Variants in ESR1 observed in about 807,000 individuals in gnomAD.
The protein encoded by ESR1 is estrogen receptor.
ESR1 carries 12 observed loss-of-function variants against 52.7 expected under a neutral mutation model. The observed-to-expected ratio is 0.23, with a 90% CI of 0.15 to 0.37. The LOEUF (loss-of-function observed/expected upper bound fraction) is 0.37. Among genes scored for constraint, ESR1 ranks in the 10% least tolerant of loss-of-function variants. ESR1 has a pLI of 1.00. For synonymous variants in ESR1, 305 were observed against 316.8 expected (o/e 0.96, Z 0.39); for missense variants, 584 against 779.7 (o/e 0.75, Z 2.99).
At chr6:151,880,952 GA>G (rs1212878832) in intron 3 of ESR1, among the ~76,000 whole-genome samples, 181 bp downstream of exon 3, 3 of 152,112 alleles carry the variant, frequency 2.0e-5, no homozygotes, top group Non-Finnish European at 4.4e-5. Flanking sequence ...TAAAAAGGTG[GA>G]AGTGTCTGGA....
In ESR1 at chr6:152,094,481, T is replaced by C. The variant is rs2152496250; in HGVS notation, c.1466T>C (p.Leu489Pro). The C allele has an allele frequency of 6.2e-7, 1 of 1,614,014 alleles. No homozygotes were observed. The highest frequency in any genetic ancestry group is 8.5e-7 in the Non-Finnish European group (1 of 1,179,986). ...LDKITDTLIH[L>P]MAKAGLTLQQ... ...AAGATCACAGACACTTTGATCCACC[T>C]GATGGCCAAGGCAGGCCTGACCCTG... is the stretch of plus-strand genomic sequence containing the variant. Residue 489 changes from leucine (L) to proline (P), a missense_variant, in exon 7 of 8, where the codon CTG becomes CCG. Transcript: ENST00000206249. This position sits in a 1 kb window ranked among gnomAD's most constrained non-coding sequence, Gnocchi z 4.6.
intron 4 of ESR1, among the ~76,000 whole-genome samples, chr6:151,996,586 G>T (rs1403143858): frequency 6.6e-6 from 1 of 152,054 alleles, no homozygotes; most frequent in Non-Finnish European, 1.5e-5. Context: ...AAGACTTGCA[G>T]TGCCTTATTT....
At chr6:151,810,831 C>A (rs1778710364) in intron 1 of ESR1, among the ~76,000 whole-genome samples, 2 of 152,066 alleles carry the variant, frequency 1.3e-5, no homozygotes, top group African/African-American at 4.8e-5. Context: ...AAGCTAATGG[C>A]CTAAAATATT....
intron 3 of ESR1, 68 bp downstream of exon 3, chr6:151,880,839 T>C (rs1261090945): frequency 1.2e-6 from 1 of 814,234 alleles, no homozygotes. Context: ...GCTCTACCCA[T>C]TGGAATAACA....
At chr6:151,688,294 G>A (rs1479285334), upstream of ESR1, among the ~76,000 whole-genome samples, 1 of 152,196 alleles carries the variant, frequency 6.6e-6, no homozygotes, top group Non-Finnish European at 1.5e-5. Flanking sequence ...CAAAGCACGT[G>A]TGTTCCCATA....
chr6:152,090,218 C>T (rs757108892), intron 6 of ESR1, among the ~76,000 whole-genome samples: 9 of 152,194 alleles, frequency 5.9e-5, no homozygotes, highest in Non-Finnish European at 1.0e-4. Flanking sequence ...TGTGACTCAT[C>T]CCTAGTACCT....
At chr6:151,863,352 T>A (rs528984872) in intron 2 of ESR1, among the ~76,000 whole-genome samples, 1 of 152,302 alleles carries the variant, frequency 6.6e-6, no homozygotes, top group African/African-American at 2.4e-5. Flanking sequence ...CTTGAAGAGG[T>A]CCTTCACATC....
At chr6:151,726,658 T>C (rs551597094) in intron 2 of ESR1, among the ~76,000 whole-genome samples, 3 of 152,318 alleles carry the variant, frequency 2.0e-5, no homozygotes, top group Non-Finnish European at 4.4e-5. Context: ...AAAATTTCAG[T>C]TTCTAACTGT....
At chr6:151,814,604 G>T (rs757427128) in intron 1 of ESR1, among the ~76,000 whole-genome samples, 3 of 152,160 alleles carry the variant, frequency 2.0e-5, no homozygotes, top group Non-Finnish European at 4.4e-5. Context: ...GTATTAACTA[G>T]ATTAAAAGTT....
downstream of ESR1, among the ~76,000 whole-genome samples, chr6:152,103,798 C>T (rs532039081): frequency 2.4e-4 from 36 of 152,194 alleles, no homozygotes; most frequent in Middle Eastern, 6.8e-3. Context: ...TTGGTCCACC[C>T]CCACCCCAGG....
chr6:151,913,393 T>C (rs528900699), intron 3 of ESR1, among the ~76,000 whole-genome samples: 1 of 152,328 alleles, frequency 6.6e-6, no homozygotes, highest in South Asian at 2.1e-4. Flanking sequence ...TTGAAAATGA[T>C]CACAAATGAC....
chr6:151,826,212 C>T (rs1193753960), intron 1 of ESR1, among the ~76,000 whole-genome samples: 3 of 152,130 alleles, frequency 2.0e-5, no homozygotes, highest in African/African-American at 4.8e-5. Context: ...GAGCTCAATA[C>T]AAAAAGTTAT....
chr6:151,838,770 G>A (rs951459460), intron 1 of ESR1, among the ~76,000 whole-genome samples: 4 of 152,100 alleles, frequency 2.6e-5, no homozygotes, highest in Non-Finnish European at 5.9e-5. Context: ...TATGGTTAGT[G>A]AATATAGCCC....
chr6:151,732,476 A>G (rs1782318019), intron 2 of ESR1, among the ~76,000 whole-genome samples: 1 of 152,024 alleles, frequency 6.6e-6, no homozygotes, highest in African/African-American at 2.4e-5. Context: ...GATGAAAACC[A>G]GAAAGGATTT....
In ESR1 at chr6:151,989,672, A is replaced by AT. The variant is rs1371362561; in HGVS notation, c.1097-21983dup. 3.3e-5 allele frequency among the ~76,000 whole-genome samples: 5 copies of AT among 152,252 alleles called. No individual in the cohort carries two copies. The East Asian group carries it at 9.6e-4, about 29-fold the overall frequency. ...TCCATCTATAATCAATTAATGTATT[A>AT]TGACATTGTTGTCCTCAGATCACTG... On this transcript the variant is annotated intron_variant, in intron 4 of 7. Coordinates refer to ENST00000206249, the MANE Select transcript of ESR1 (RefSeq NM_000125.4).
chr6:151,939,779 GTT>G (rs1033273748), intron 3 of ESR1, among the ~76,000 whole-genome samples: 1 of 151,584 alleles, frequency 6.6e-6, no homozygotes, highest in Non-Finnish European at 1.5e-5. Context: ...TTATATTATT[GTT>G]TTTTTGTTTT....
At chr6:151,871,828 T>G (rs1432217239) in intron 2 of ESR1, among the ~76,000 whole-genome samples, 1 of 152,214 alleles carries the variant, frequency 6.6e-6, no homozygotes, top group Non-Finnish European at 1.5e-5. Context: ...TGCATCTATG[T>G]GATATTTGTC....
chr6:151,856,876 G>T (rs1464238585), intron 2 of ESR1, among the ~76,000 whole-genome samples: 2 of 152,058 alleles, frequency 1.3e-5, no homozygotes, highest in Non-Finnish European at 2.9e-5. Context: ...TCTCCTTACT[G>T]GACCAAGTAA....
In ESR1 at chr6:152,099,014, C is replaced by T. The variant is rs1288202049; in HGVS notation, c.*48C>T. ...TTCAGATAATCCCTGCTGCATTTTA[C>T]CCTCATCATGCACCACTTTAGCCAA... On this transcript the variant is annotated 3_prime_UTR_variant, in exon 8 of 8. Transcript: ENST00000206249. 1.3e-6 allele frequency: 2 copies of T among 1,508,372 alleles called. No homozygotes were observed. The highest frequency in any genetic ancestry group is 1.1e-5 in the South Asian group (1 of 87,828). 93.4% of individuals were successfully genotyped at this position (1,508,372 alleles called of 1,614,324 possible). A position where few individuals can be genotyped will look rare whatever the true frequency, so the allele number is the denominator to read the frequency against.
Sources: gnomAD v4.1 joint callset for allele counts (sites outside exome capture counted in the v4.1 genomes callset) on GRCh38, gnomAD v4.1.1 for gene constraint, Gnocchi (gnomAD v3.1) non-coding constraint, MANE v1.5 for transcripts, NCBI Gene and HGNC (gene_info 2026-07-23, HGNC 2026-07-21) for gene names.